MYO10: variants seen among roughly 807,000 people sequenced by gnomAD.
MYO10 encodes myosin X.
MYO10 carries 133 observed loss-of-function variants against 257.3 expected under a neutral mutation model. The ratio of observed to expected loss-of-function variants is 0.52; its 90% confidence interval spans 0.45 to 0.60. The LOEUF (loss-of-function observed/expected upper bound fraction) is 0.60. MYO10 is among the 20% of genes least tolerant of loss of function. The pLI, the probability that MYO10 is intolerant of heterozygous loss-of-function variation, is 0.00. For missense variants in MYO10, 2,399 were observed against 2,635.7 expected (o/e 0.91, Z 1.97); for synonymous variants, 1,104 against 1,028.6 (o/e 1.07, Z -1.40).
At chr5:16,899,465 G>A (rs1372069488) in intron 1 of MYO10, among the ~76,000 whole-genome samples, 7 of 150,512 alleles carry the variant, frequency 4.7e-5, no homozygotes, top group East Asian at 4.0e-4. Context: ...TGAAACCCCC[G>A]TCTCTACTAA....
chr5:16,806,279 G>A (rs1371095494), intron 3 of MYO10, among the ~76,000 whole-genome samples: 1 of 151,170 alleles, frequency 6.6e-6, no homozygotes, highest in Non-Finnish European at 1.5e-5. Flanking sequence ...GGTGGAGGTT[G>A]CAGTGAGCCA....
intron 19 of MYO10, chr5:16,738,252 G>A (rs1163544016): frequency 1.0e-6 from 1 of 985,418 alleles, no homozygotes; most frequent in Non-Finnish European, 1.2e-6. Context: ...AGAGGAGGAG[G>A]GGTGGTCAGA....
intron 2 of MYO10, among the ~76,000 whole-genome samples, chr5:16,823,098 GTATT>G (rs1406015991): frequency 6.6e-6 from 1 of 151,590 alleles, no homozygotes; most frequent in Non-Finnish European, 1.5e-5. Flanking sequence ...AATTAGCAGG[GTATT>G]AGTCGTGCAA....
chr5:16,807,133 C>T (rs115136984), intron 3 of MYO10, among the ~76,000 whole-genome samples: 1 of 152,134 alleles, frequency 6.6e-6, no homozygotes, highest in East Asian at 1.9e-4. Context: ...ACCATCCCCC[C>T]GTTTCCTTCT....
chr5:16,763,800 A>G, intron 12 of MYO10, 45 bp from the exon 13 acceptor site: 1 of 1,121,184 alleles, frequency 8.9e-7, no homozygotes, highest in Non-Finnish European at 1.3e-6. Context: ...TGTACTCACG[A>G]TTATATAGAA....
At chr5:16,802,163 T>A (rs1742137421) in intron 3 of MYO10, among the ~76,000 whole-genome samples, 1 of 152,134 alleles carries the variant, frequency 6.6e-6, no homozygotes, top group Non-Finnish European at 1.5e-5. Flanking sequence ...GAAGGGTGGT[T>A]GCCAGGGGCT....
rs781330078 is a variant in MYO10, at chr5:16,681,930, G to A, written c.4130C>T (p.Thr1377Ile). ...DTPEEMHHWI[T>I]LLQRSKGDTR... ...GTCCCCTTTGGACCTCTGCAGCAGG[G>A]TTATCCAGTGGTGCATCTCCTCCGG... The change falls in exon 31 of 41, where the codon ACC (threonine) becomes ATC (isoleucine). Residue 1377 changes from threonine (T) to isoleucine (I), a missense_variant. Transcript: ENST00000513610. 3.1e-6 allele frequency: 5 copies of A among 1,613,876 alleles called. No homozygotes were observed. The Admixed American group carries it at 6.7e-5, about 22-fold the overall frequency.
intron 26 of MYO10, among the ~76,000 whole-genome samples, chr5:16,696,868 A>G (rs1182231099): frequency 2.0e-5 from 3 of 152,116 alleles, no homozygotes; most frequent in Non-Finnish European, 4.4e-5. Context: ...AAAAAAAAAA[A>G]AAAAAATCAA....
chr5:16,836,194 T>A (rs970699007), intron 2 of MYO10, among the ~76,000 whole-genome samples: 1 of 152,200 alleles, frequency 6.6e-6, no homozygotes, highest in Non-Finnish European at 1.5e-5. Context: ...TTCTTTCTGG[T>A]GATATCCTTG....
chr5:16,831,306 T>C (rs1171602329), intron 2 of MYO10, among the ~76,000 whole-genome samples: 1 of 151,948 alleles, frequency 6.6e-6, no homozygotes. Context: ...TGGAAAACGG[T>C]GTGGAGATTC....
intron 1 of MYO10, among the ~76,000 whole-genome samples, chr5:16,904,876 C>A (rs1193160479): frequency 6.6e-6 from 1 of 151,942 alleles, no homozygotes; most frequent in Non-Finnish European, 1.5e-5. Context: ...TTGCAGTGAG[C>A]CGAGATCACA....
chr5:16,716,492 A>T (rs1432540048), intron 19 of MYO10, among the ~76,000 whole-genome samples: 1 of 151,714 alleles, frequency 6.6e-6, no homozygotes, highest in Non-Finnish European at 1.5e-5. Context: ...TTTCATGAAC[A>T]GTGCATGACA....
chr5:16,891,783 C>T (rs1745068830), intron 1 of MYO10, among the ~76,000 whole-genome samples: 1 of 152,128 alleles, frequency 6.6e-6, no homozygotes, highest in Non-Finnish European at 1.5e-5. Context: ...CAAGAAGGTC[C>T]TCTTTTCAGT....
At chr5:16,803,728 ATG>A (rs1742189069) in intron 3 of MYO10, among the ~76,000 whole-genome samples, 1 of 152,212 alleles carries the variant, frequency 6.6e-6, no homozygotes, top group Admixed American at 6.5e-5. Flanking sequence ...AATATGTAAA[ATG>A]TGTGTCTGGC....
chr5:16,778,941 T>C (rs575166323), intron 9 of MYO10, among the ~76,000 whole-genome samples: 383 of 152,078 alleles, frequency 2.5e-3, no homozygotes, highest in African/African-American at 8.3e-3. Flanking sequence ...CTGCCCGCCT[T>C]GGCCTCCCAA....
intron 1 of MYO10, among the ~76,000 whole-genome samples, chr5:16,920,497 G>A (rs1231203869): frequency 1.3e-5 from 2 of 152,292 alleles, no homozygotes; most frequent in Non-Finnish European, 2.9e-5. Context: ...AGAAGTAGGT[G>A]CTGGGGGTTA....
chr5:16,689,541 C>T (rs1269858793), intron 28 of MYO10, among the ~76,000 whole-genome samples: 3 of 152,012 alleles, frequency 2.0e-5, no homozygotes, highest in East Asian at 1.9e-4. Flanking sequence ...AATTTACACA[C>T]GCTACCGGTG....
At chr5:16,684,302 G>A (rs1737143138) in intron 29 of MYO10, among the ~76,000 whole-genome samples, 1 of 152,132 alleles carries the variant, frequency 6.6e-6, no homozygotes, top group South Asian at 2.1e-4. Flanking sequence ...CTGCGCAATG[G>A]TGTGATCTCA....
At chr5:16,787,978 G>A (rs1197743034) in intron 4 of MYO10, among the ~76,000 whole-genome samples, 1 of 152,092 alleles carries the variant, frequency 6.6e-6, no homozygotes, top group Non-Finnish European at 1.5e-5. Flanking sequence ...ATTTTTAGTA[G>A]AGACGGAGTT....
Sources: gnomAD v4.1 joint callset for allele counts (sites outside exome capture counted in the v4.1 genomes callset) on GRCh38, gnomAD v4.1.1 for gene constraint, MANE v1.5 for transcripts, NCBI Gene and HGNC (gene_info 2026-07-23, HGNC 2026-07-21) for gene names.